CBR3: variants seen among roughly 807,000 people sequenced by gnomAD.
The protein encoded by CBR3 is carbonyl reductase 3.
In CBR3, 14 loss-of-function variants were observed where a neutral mutation model predicts 11.6. The ratio of observed to expected loss-of-function variants is 1.20; its 90% CI spans 0.79 to 1.88. CBR3 has a LOEUF of 1.88. Ranked by LOEUF, CBR3 falls within the 40% of genes most tolerant of loss-of-function variation. CBR3 has a pLI of 0.00. For synonymous variants in CBR3, 125 were observed against 145.6 expected, an observed-to-expected ratio of 0.86 and a Z score of 1.02; for missense variants, 308 against 357.3, an observed-to-expected ratio of 0.86 and a Z score of 1.11.
chr21:36,139,404 CAG>C (rs2065691309), intron 2 of CBR3, among the ~76,000 whole-genome samples: 2 of 108,058 alleles, frequency 1.9e-5, no homozygotes, highest in Non-Finnish European at 1.9e-5. Context: ...TTTTTTTTGA[CAG>C]AGTTTCGCTC....
intron 2 of CBR3, chr21:36,142,144 A>C (rs1383281771): frequency 6.4e-6 from 1 of 155,722 alleles, no homozygotes; most frequent in African/African-American, 2.4e-5. Context: ...ATTAAATGCA[A>C]TCCATGGGCC....
chr21:36,143,083 G>C (rs1425479877), intron 2 of CBR3, among the ~76,000 whole-genome samples: 1 of 151,972 alleles, frequency 6.6e-6, no homozygotes, highest in African/African-American at 2.4e-5. Flanking sequence ...GGAAGGCAGA[G>C]CACCTGAGGT....
intron 2 of CBR3, chr21:36,141,544 A>AC (rs2065709358): frequency 6.6e-6 from 1 of 152,242 alleles, no homozygotes; most frequent in African/African-American, 2.4e-5. Flanking sequence ...CCTAAGTGGA[A>AC]CCATCAGAGG....
At chr21:36,139,584 G>A (rs1378914608) in intron 2 of CBR3, among the ~76,000 whole-genome samples, 1 of 152,024 alleles carries the variant, frequency 6.6e-6, no homozygotes, top group Non-Finnish European at 1.5e-5. Flanking sequence ...GCTTTGCCAT[G>A]TTGGCCAGGC....
At chr21:36,140,458 C>G (rs905666257) in intron 2 of CBR3, among the ~76,000 whole-genome samples, 4 of 152,132 alleles carry the variant, frequency 2.6e-5, no homozygotes, top group Non-Finnish European at 5.9e-5. Context: ...GGTCAGAAAG[C>G]TTTTATCTTT....
Position 36,135,441 on chromosome 21 carries a change from G to A in CBR3, c.249G>A (p.Gly83=), listed in dbSNP as rs765355130. ...ACTTCCTGCGCAAGGAGTACGGGGGGCTCAACGTACTGGTCAACAACGCGG... is the reference window on the plus strand; with the variant it reads ...ACTTCCTGCGCAAGGAGTACGGGGGACTCAACGTACTGGTCAACAACGCGG... ...LRDFLRKEYG[G]LNVLVNNAAV... Residue 83 remains glycine (G), a synonymous_variant, in exon 1 of 3, where the codon GGG becomes GGA. Coordinates refer to ENST00000290354, the MANE Select transcript of CBR3 (RefSeq NM_001236.4). 1.2e-5 allele frequency: 20 copies of A among 1,613,436 alleles called. No homozygotes were observed. The African/African-American group carries it at 1.6e-4, about 13-fold the overall frequency.
rs901640160 is a variant in CBR3 at position 36,146,177 on chromosome 21, G to A, written c.499G>A (p.Asp167Asn). Residue 167 changes from aspartate (D) to asparagine (N), a missense_variant, in exon 3 of 3, where the codon GAC becomes AAC. By Grantham distance (23) the Asp-to-Asn change is conservative. Coordinates refer to ENST00000290354, the MANE Select transcript of CBR3 (RefSeq NM_001236.4). ...RFHSETLTEG[D>N]LVDLMKKFVE... The stretch of plus-strand genomic sequence containing the variant: ...CCACAGTGAGACACTCACAGAAGGA[G>A]ACCTGGTGGATCTCATGAAAAAGTT... 6.2e-7 allele frequency: 1 copy of A among 1,614,028 alleles called. No homozygotes were observed. Among genetic ancestry groups the A allele is most frequent in the African/African-American group, 1.3e-5 (1 of 74,920 alleles).
chr21:36,137,142 G>C (rs1463376050), intron 1 of CBR3: 1 of 151,930 alleles, frequency 6.6e-6, no homozygotes, highest in Non-Finnish European at 1.5e-5. Flanking sequence ...TCAAGGTGTG[G>C]CTGGAGACCA....
intron 2 of CBR3, among the ~76,000 whole-genome samples, chr21:36,144,346 T>C (rs2065738050): frequency 2.0e-5 from 3 of 152,176 alleles, no homozygotes; most frequent in Admixed American, 2.0e-4. Context: ...TCATCCCAGC[T>C]ACTTGGGAGG....
intron 2 of CBR3, among the ~76,000 whole-genome samples, chr21:36,143,905 TGA>T (rs894076130): frequency 7.2e-6 from 1 of 138,388 alleles, no homozygotes; most frequent in African/African-American, 2.7e-5. Context: ...AAAAAAGTGA[TGA>T]GATAAAAACC....
At chr21:36,142,430 T>TAAAAAAAAAAAAAA (rs2065717584) in intron 2 of CBR3, among the ~76,000 whole-genome samples, 1 of 2,200 alleles carries the variant, frequency 4.5e-4, no homozygotes, top group African/African-American at 2.7e-3. Flanking sequence ...AGACTCCATC[T>TAAAAAAAAAAAAAA]CAAAAAAAAA....
intron 2 of CBR3, among the ~76,000 whole-genome samples, chr21:36,145,450 T>C (rs1351782987): frequency 1.3e-5 from 2 of 152,148 alleles, no homozygotes; most frequent in Non-Finnish European, 2.9e-5. Context: ...GGTGATCCTC[T>C]TACCTCAGCT....
Position 36,135,395 on chromosome 21 carries a change from A to G in CBR3, c.203A>G (p.Gln68Arg). 6.8e-6 allele frequency: 11 copies of G among 1,613,480 alleles called. No homozygotes were observed. The highest frequency in any genetic ancestry group is 9.3e-6 in the Non-Finnish European group (11 of 1,179,810). Residue 68 changes from glutamine (Q) to arginine (R), a missense_variant, in exon 1 of 3, where the codon CAG (glutamine) becomes CGG (arginine). Coordinates refer to ENST00000290354, the MANE Select transcript of CBR3 (RefSeq NM_001236.4). ...CACCAACTGGACATCGACGACTTGC[A>G]GAGCATCCGCGCCCTGCGCGACTTC... ...RFHQLDIDDLQSIRALRDFLR... is the reference protein window; with the variant it reads ...RFHQLDIDDLRSIRALRDFLR...
At position 36,146,264 on chromosome 21, in the gene CBR3, GT is replaced by G; in HGVS notation, c.587del (p.Val196GlyfsTer28). The G allele has an allele frequency of 6.2e-7, 1 of 1,614,168 alleles. No individual in the cohort carries two copies. The highest frequency in any genetic ancestry group is 8.5e-7 in the Non-Finnish European group (1 of 1,180,030). Reference sequence around the variant, plus strand: ...AGGCTGGCCCAACTCACCTTATGGGGTGTCCAAGTTGGGGGTCACGGTCTTA... The same window carrying G: ...AGGCTGGCCCAACTCACCTTATGGGGGTCCAAGTTGGGGGTCACGGTCTTA... ...REGWPNSPYGVSKLGVTVLSR... is the reference protein window; with the variant it reads ...REGWPNSPYGXSKLGVTVLSR... On this transcript the variant is annotated frameshift_variant, in exon 3 of 3. Coordinates refer to ENST00000290354, the MANE Select transcript of CBR3 (RefSeq NM_001236.4). LOFTEE classifies it low-confidence loss of function (END_TRUNC).
rs559173415 is a variant in CBR3, at chr21:36,142,736, G to T, written c.398-3340G>T. The stretch of plus-strand genomic sequence containing the variant: ...AAACACAGCAAAATGTTAACAATTA[G>T]TGAACTTAGGTGATGGGCATAGGGT... On this transcript the variant is annotated intron_variant, in intron 2 of 2. Transcript: ENST00000290354. Among the ~76,000 whole-genome samples the T allele has an allele frequency of 4.7e-4, 71 of 152,276 alleles. No individual in the cohort carries two copies. The South Asian group carries it at 0.015, about 31-fold the overall frequency.
chr21:36,140,709 G>A (rs1568980335), intron 2 of CBR3, among the ~76,000 whole-genome samples: 1 of 152,046 alleles, frequency 6.6e-6, no homozygotes. Context: ...CACCTTTTTA[G>A]GTTAAGAAGT....
intron 1 of CBR3, chr21:36,137,503 A>AAAGGAAGG (rs58466732): frequency 5.2e-4 from 98 of 189,074 alleles, no homozygotes; most frequent in Non-Finnish European, 6.7e-4. Flanking sequence ...GAAAAGAAAG[A>AAAGGAAGG]AAGGAAGGAA....
Position 36,140,364 on chromosome 21 carries a change from C to A in CBR3, c.397+2432C>A, listed in dbSNP as rs552319208. Among the ~76,000 whole-genome samples the A allele has an allele frequency of 2.0e-5, 3 of 152,130 alleles. No homozygotes were observed. In the South Asian group the frequency reaches 6.2e-4, roughly 32 times the overall value. ...ATAAACGCACATTTTAAAAACTCTC[C>A]TTTTTACACAGAAGGTAACATTTCA... On this transcript the variant is annotated intron_variant, in intron 2 of 2. Transcript: ENST00000290354.
At chr21:36,136,509 CG>C in intron 1 of CBR3, among the ~76,000 whole-genome samples, 1 of 152,224 alleles carries the variant, frequency 6.6e-6, no homozygotes, top group Non-Finnish European at 1.5e-5. Flanking sequence ...CTCAGCCTGC[CG>C]GCTTTCTGAG....
Sources: gnomAD v4.1 joint callset for allele counts (sites outside exome capture counted in the v4.1 genomes callset) on GRCh38, gnomAD v4.1.1 for gene constraint, MANE v1.5 for transcripts, NCBI Gene and HGNC (gene_info 2026-07-23, HGNC 2026-07-21) for gene names.